NEDD9: variants seen among roughly 807,000 people sequenced by gnomAD.
NEDD9 encodes enhancer of filamentation 1.
In NEDD9, 26 loss-of-function variants were observed where a neutral mutation model predicts 76.6. The observed-to-expected ratio is 0.34, with a 90% CI of 0.25 to 0.47. The LOEUF (loss-of-function observed/expected upper bound fraction) is 0.47, where lower values mean the gene tolerates loss of function less well. NEDD9 is among the 20% of genes least tolerant of loss of function. NEDD9 has a pLI of 1.00. For missense variants in NEDD9, 937 were observed against 1,058.5 expected (o/e 0.89, Z 1.59); for synonymous variants, 392 against 414.2 (o/e 0.95, Z 0.65).
At chr6:11,310,931 T>C (rs543233015) in intron 2 of NEDD9, among the ~76,000 whole-genome samples, 4 of 152,298 alleles carry the variant, frequency 2.6e-5, no homozygotes, top group African/African-American at 9.6e-5. Flanking sequence ...TCCCTCATCC[T>C]TGTAACAATA....
At chr6:11,217,698 G>A (rs918657223) in intron 1 of NEDD9, among the ~76,000 whole-genome samples, 1 of 152,264 alleles carries the variant, frequency 6.6e-6, no homozygotes, top group Non-Finnish European at 1.5e-5. Flanking sequence ...TCTTAGAGCT[G>A]AGACAGGAAT....
chr6:11,266,783 C>T (rs999633488), intron 3 of NEDD9, among the ~76,000 whole-genome samples: 1 of 152,154 alleles, frequency 6.6e-6, no homozygotes, highest in African/African-American at 2.4e-5. Context: ...TGATCTCAAC[C>T]CTACTGGCTG....
At chr6:11,307,088 A>T (rs567460152) in intron 2 of NEDD9, among the ~76,000 whole-genome samples, 60 of 152,360 alleles carry the variant, frequency 3.9e-4, no homozygotes, top group African/African-American at 1.4e-3. Context: ...GTGTTTTCCT[A>T]TCAAGAATAA....
intron 2 of NEDD9, among the ~76,000 whole-genome samples, chr6:11,326,702 A>G (rs965293166): frequency 2.6e-5 from 4 of 152,184 alleles, no homozygotes; most frequent in African/African-American, 9.7e-5. Context: ...AGAACACAGG[A>G]GCACATGGGT....
intron 3 of NEDD9, among the ~76,000 whole-genome samples, chr6:11,255,716 T>C (rs1759990464): frequency 6.6e-6 from 1 of 152,024 alleles, no homozygotes; most frequent in African/African-American, 2.4e-5. Flanking sequence ...TGCGAGGCCT[T>C]TTGAGATCTG....
intron 1 of NEDD9, among the ~76,000 whole-genome samples, chr6:11,364,688 A>G (rs1762732832): frequency 6.9e-6 from 1 of 145,346 alleles, no homozygotes; most frequent in Admixed American, 6.8e-5. Context: ...TTAAGTGCTC[A>G]ATAAAACATA....
chr6:11,272,643 T>C (rs1760333264), intron 3 of NEDD9, among the ~76,000 whole-genome samples: 1 of 152,138 alleles, frequency 6.6e-6, no homozygotes, highest in South Asian at 2.1e-4. Context: ...CCACCTAACC[T>C]CAGATTGCTC....
chr6:11,334,433 G>A (rs1486954248), intron 2 of NEDD9: 4 of 152,168 alleles, frequency 2.6e-5, no homozygotes, highest in African/African-American at 7.2e-5. Flanking sequence ...AGATAAGGGT[G>A]CCCCTGTTTT....
intron 3 of NEDD9, among the ~76,000 whole-genome samples, chr6:11,275,565 C>CACACACATATATATATAT (rs551632582): frequency 5.1e-3 from 765 of 150,250 alleles, no homozygotes; most frequent in Non-Finnish European, 9.1e-3. Context: ...CACACACACA[C>CACACACATATATATATAT]ATATATATAT....
intron 3 of NEDD9, among the ~76,000 whole-genome samples, chr6:11,246,357 A>G (rs796203342): frequency 5.9e-5 from 9 of 152,048 alleles, no homozygotes; most frequent in African/African-American, 2.2e-4. Flanking sequence ...GGCTCAGTCC[A>G]CTGCTGTCAT....
chr6:11,204,769 A>C (rs370916984), intron 2 of NEDD9, among the ~76,000 whole-genome samples: 225 of 151,920 alleles, frequency 1.5e-3, no homozygotes, highest in African/African-American at 4.0e-3. Flanking sequence ...AGGAAAGAAA[A>C]GACTTTTCTG....
At chr6:11,377,857 G>A (rs1762992156) in intron 1 of NEDD9, among the ~76,000 whole-genome samples, 1 of 152,176 alleles carries the variant, frequency 6.6e-6, no homozygotes, top group South Asian at 2.1e-4. Context: ...TCTAGTGGGA[G>A]GTATTGGAGC....
At chr6:11,317,104 G>A (rs1761589822) in intron 2 of NEDD9, among the ~76,000 whole-genome samples, 1 of 152,174 alleles carries the variant, frequency 6.6e-6, no homozygotes, top group Admixed American at 6.5e-5. Context: ...GTTAAAGCAA[G>A]AGAGCTTATA....
At chr6:11,306,134 C>T (rs1028997678) in exon 3 of NEDD9, 36 of 1,078,424 alleles carry the variant, frequency 3.3e-5, no homozygotes, top group South Asian at 6.4e-5. Context: ...TCTGACATTA[C>T]GGACCTCACA....
intron 2 of NEDD9, among the ~76,000 whole-genome samples, chr6:11,309,396 T>C (rs530801985): frequency 7.9e-5 from 12 of 152,340 alleles, no homozygotes; most frequent in African/African-American, 2.6e-4. Context: ...GTTGTGTTTA[T>C]GTGGAATTGC....
upstream of NEDD9, chr6:11,232,710 A>G: frequency 2.1e-6 from 3 of 1,436,014 alleles, 1 homozygote; most frequent in South Asian, 4.4e-5. Flanking sequence ...CGCGGACCTC[A>G]TTTGCATGCC....
intron 3 of NEDD9, chr6:11,305,989 C>T (rs1761175377): frequency 6.2e-7 from 1 of 1,613,816 alleles, no homozygotes; most frequent in Non-Finnish European, 8.5e-7. Context: ...TATCAGTACT[C>T]ACCCTTGTCC....
In NEDD9 at chr6:11,213,007, G is replaced by A. The variant is rs967757888; in HGVS notation, c.459+274C>T. On this transcript the variant is annotated intron_variant, in intron 2 of 6. Coordinates refer to ENST00000379446, the MANE Select transcript of NEDD9 (RefSeq NM_006403.4). The surrounding 1 kb of genome is among the most constrained non-coding windows in gnomAD (Gnocchi z 5.4). The stretch of plus-strand genomic sequence containing the variant: ...GAAGCTGATATATGAGAAAGATGGA[G>A]AGAAACAGTTTAATAACCCATGTAA... Among the ~76,000 whole-genome samples the A allele has an allele frequency of 2.0e-5, 3 of 152,240 alleles. No homozygotes were observed. Among genetic ancestry groups the A allele is most frequent in the Non-Finnish European group, 2.9e-5 (2 of 68,040 alleles).
At chr6:11,231,552 A>G (rs1400929007) in intron 1 of NEDD9, among the ~76,000 whole-genome samples, 1 of 152,220 alleles carries the variant, frequency 6.6e-6, no homozygotes, top group African/African-American at 2.4e-5. Flanking sequence ...CATCTTAATA[A>G]TAACACTTTT....
Sources: allele counts gnomAD v4.1 joint callset (sites outside exome capture counted in the v4.1 genomes callset), GRCh38; gene constraint gnomAD v4.1.1; non-coding constraint Gnocchi (gnomAD v3.1); transcripts MANE v1.5; gene names NCBI Gene and HGNC (gene_info 2026-07-23, HGNC 2026-07-21).